The following TRHDE variants were observed in gnomAD, a reference collection of about 807,000 sequenced individuals.
The protein encoded by TRHDE is thyrotropin-releasing hormone-degrading ectoenzyme.
Under a neutral mutation model 125.7 loss-of-function variants are expected in TRHDE, and 72 were observed. The ratio of observed to expected loss-of-function variants is 0.57; its 90% CI spans 0.47 to 0.70. The LOEUF is 0.70. Among genes scored for constraint, TRHDE ranks in the 30% least tolerant of loss-of-function variants. The pLI, the probability that TRHDE is intolerant of heterozygous loss-of-function variation, is 0.00. For missense variants in TRHDE, 1,110 were observed against 1,327.1 expected, an observed-to-expected ratio of 0.84 and a Z score of 2.54; for synonymous variants, 509 against 509.1, an observed-to-expected ratio of 1.00 and a Z score of 0.00.
intron 2 of TRHDE, among the ~76,000 whole-genome samples, chr12:72,146,939 G>T (rs1455613047): frequency 6.6e-6 from 1 of 152,182 alleles, no homozygotes; most frequent in Middle Eastern, 3.2e-3. Context: ...GGGATGGGGT[G>T]GGAAGGCGGT....
In TRHDE at chr12:72,591,516, T is replaced by C. The variant is rs561489022; in HGVS notation, c.2321+15974T>C. On this transcript the variant is annotated intron_variant, in intron 12 of 18. Coordinates refer to ENST00000261180, the MANE Select transcript of TRHDE (RefSeq NM_013381.3). ...AAAAACCCAAAAGAAAATGTTATAA[T>C]TTTAAAAACATTTATATGCTTATGA... Among the ~76,000 whole-genome samples, 3 of 152,040 alleles carry C rather than the reference T, an allele frequency of 2.0e-5. No individual in the cohort carries two copies. In the East Asian group the frequency reaches 5.8e-4, roughly 29 times the overall value.
intron 3 of TRHDE, among the ~76,000 whole-genome samples, chr12:72,384,478 T>C (rs1369492816): frequency 6.6e-6 from 1 of 152,188 alleles, no homozygotes; most frequent in Non-Finnish European, 1.5e-5. Context: ...TTTAGCACTA[T>C]GTTGAAAGAG....
At chr12:72,284,415 T>G (rs538327027) in intron 1 of TRHDE, among the ~76,000 whole-genome samples, 3 of 152,254 alleles carry the variant, frequency 2.0e-5, no homozygotes, top group Non-Finnish European at 2.9e-5. Context: ...TTTTAATTAA[T>G]AAGCTGAAAG....
At chr12:72,165,965 G>A (rs201623262) in intron 2 of TRHDE, among the ~76,000 whole-genome samples, 3 of 151,954 alleles carry the variant, frequency 2.0e-5, no homozygotes, top group East Asian at 1.9e-4. Flanking sequence ...GTGAGCCACC[G>A]CCCCCGGCCG....
At chr12:72,313,444 T>C (rs748230217) in intron 2 of TRHDE, among the ~76,000 whole-genome samples, 14 of 152,230 alleles carry the variant, frequency 9.2e-5, no homozygotes, top group South Asian at 4.1e-4. Flanking sequence ...GTTATGCAAA[T>C]GTGATATAAC....
Position 72,203,728 on chromosome 12 carries a change from A to G in TRHDE, n.279+97976A>G, listed in dbSNP as rs116460406. On this transcript the variant is annotated intron_variant and non_coding_transcript_variant, in intron 2 of 4. Coordinates refer to the TRHDE transcript ENST00000548156. ...TCAGGAAGAGTTAAAGTCAATTACC[A>G]TCTGCCTGTACTAGTGGACAAATTT... 2.2e-3 allele frequency among the ~76,000 whole-genome samples: 329 copies of G among 152,254 alleles called. 1 individual carries two copies. The highest frequency in any genetic ancestry group is 7.4e-3 in the African/African-American group (309 of 41,536).
chr12:72,199,404 T>C (rs1877510277), intron 2 of TRHDE, among the ~76,000 whole-genome samples: 3 of 152,214 alleles, frequency 2.0e-5, no homozygotes, highest in Middle Eastern at 3.4e-3. Context: ...AGAGTGCCAA[T>C]GACTAGGAGG....
At chr12:72,107,745 A>G (rs566137531) in intron 2 of TRHDE, among the ~76,000 whole-genome samples, 1 of 152,242 alleles carries the variant, frequency 6.6e-6, no homozygotes, top group African/African-American at 2.4e-5. Flanking sequence ...ACTCTGCAGG[A>G]CTGAAAATTA....
At chr12:72,262,675 A>C (rs937466632) in intron 2 of TRHDE, 10 of 152,172 alleles carry the variant, frequency 6.6e-5, no homozygotes, top group Non-Finnish European at 1.0e-4. Flanking sequence ...CACAATTATC[A>C]CAGAAAGTAT....
chr12:72,611,276 AGT>A (rs2136069092), intron 12 of TRHDE: 1 of 159,770 alleles, frequency 6.3e-6, no homozygotes, highest in East Asian at 1.8e-4. Flanking sequence ...CCAGCGTGTA[AGT>A]GTGCTGTGTT....
At chr12:72,151,718 T>G (rs1266510937) in intron 2 of TRHDE, among the ~76,000 whole-genome samples, 4 of 152,194 alleles carry the variant, frequency 2.6e-5, no homozygotes, top group African/African-American at 9.7e-5. Context: ...ACATGTGGCA[T>G]TATTTCTGAG....
chr12:72,351,738 C>T (rs898420703), intron 2 of TRHDE, among the ~76,000 whole-genome samples: 7 of 151,914 alleles, frequency 4.6e-5, no homozygotes, highest in African/African-American at 1.7e-4. Flanking sequence ...TTTCCTAAAG[C>T]CCATCAATAT....
At chr12:72,330,484 C>G (rs1003833842) in intron 2 of TRHDE, among the ~76,000 whole-genome samples, 3 of 152,208 alleles carry the variant, frequency 2.0e-5, no homozygotes, top group Non-Finnish European at 4.4e-5. Context: ...GAAAGCTACT[C>G]TCACGGCGAT....
chr12:72,563,623 T>C (rs1870290551), intron 9 of TRHDE, among the ~76,000 whole-genome samples: 1 of 152,222 alleles, frequency 6.6e-6, no homozygotes, highest in Non-Finnish European at 1.5e-5. Flanking sequence ...AACTTTCTGC[T>C]GAAACTCATT....
At chr12:72,377,681 T>C (rs1871952561) in intron 2 of TRHDE, among the ~76,000 whole-genome samples, 1 of 152,150 alleles carries the variant, frequency 6.6e-6, no homozygotes, top group Non-Finnish European at 1.5e-5. Context: ...ACTAATCCAC[T>C]GTACCTTCCT....
At chr12:72,276,744 T>C (rs1299893898) in intron 1 of TRHDE, among the ~76,000 whole-genome samples, 3 of 152,196 alleles carry the variant, frequency 2.0e-5, no homozygotes, top group Non-Finnish European at 4.4e-5. Context: ...CTACAGTTGT[T>C]GAACATTGAA....
At chr12:72,653,479 G>A (rs1874588980) in intron 17 of TRHDE, among the ~76,000 whole-genome samples, 1 of 151,936 alleles carries the variant, frequency 6.6e-6, no homozygotes, top group East Asian at 1.9e-4. Flanking sequence ...TCTTGAATAT[G>A]TTATAGAAAT....
chr12:72,591,631 G>GCTTTTTTTTT (rs1871685022), intron 12 of TRHDE, among the ~76,000 whole-genome samples: 1 of 106,318 alleles, frequency 9.4e-6, no homozygotes, highest in African/African-American at 6.2e-5. Flanking sequence ...TAAGGATATG[G>GCTTTTTTTTT]GTTTTTTTTT....
At chr12:72,648,977 G>A (rs531048924) in intron 15 of TRHDE, among the ~76,000 whole-genome samples, 6 of 151,942 alleles carry the variant, frequency 3.9e-5, no homozygotes, top group African/African-American at 1.2e-4. Flanking sequence ...ACTATCCAAA[G>A]CAATCTACAG....
Sources: allele counts gnomAD v4.1 joint callset (sites outside exome capture counted in the v4.1 genomes callset), GRCh38; gene constraint gnomAD v4.1.1; transcripts MANE v1.5; gene names NCBI Gene and HGNC (gene_info 2026-07-23, HGNC 2026-07-21).